The following TRAK1 variants were observed in gnomAD, a reference collection of about 807,000 sequenced individuals.
TRAK1 encodes the protein trafficking kinesin protein 1.
A neutral mutation model predicts 92.1 loss-of-function variants in TRAK1; 33 were observed. The ratio of observed to expected loss-of-function variants is 0.36; its 90% CI spans 0.27 to 0.48. The LOEUF is 0.48. Among genes scored for constraint, TRAK1 ranks in the 20% least tolerant of loss-of-function variants. The pLI, the probability that TRAK1 is intolerant of heterozygous loss-of-function variation, is 0.99. For missense variants in TRAK1, 1,123 were observed against 1,257.9 expected (o/e 0.89, Z 1.62); for synonymous variants, 521 against 517.3 (o/e 1.01, Z -0.10).
intron 1 of TRAK1, chr3:42,051,242 A>G (rs961636265): frequency 1.3e-5 from 2 of 152,264 alleles, no homozygotes; most frequent in African/African-American, 4.8e-5. Flanking sequence ...TTGGCTGTGC[A>G]AGCCTTGGGT....
chr3:42,218,431 A>G, intron 14 of TRAK1: 1 of 865,490 alleles, frequency 1.2e-6, no homozygotes, highest in Non-Finnish European at 1.4e-6. Flanking sequence ...CTGAGCTGCT[A>G]CAGGGGCAGA....
At chr3:42,220,770 G>A (rs1314896826) in intron 15 of TRAK1, among the ~76,000 whole-genome samples, 2 of 152,204 alleles carry the variant, frequency 1.3e-5, no homozygotes, top group African/African-American at 2.4e-5. Flanking sequence ...CAGTCAAGCC[G>A]AGTGCCAGCA....
Position 42,202,498 on chromosome 3 carries a change from C to G in TRAK1, c.1490C>G (p.Thr497Arg). ...ACCCCAGGCTCCCACGACCTGGAGA[C>G]GGCGCTGAGGCGGCTGTCCCTGCGC... is the stretch of plus-strand genomic sequence containing the variant. ...PGTPGSHDLE[T>R]ALRRLSLRRE... Residue 497 changes from threonine (T) to arginine (R), a missense_variant, in exon 13 of 16, where the codon ACG (threonine) becomes AGG (arginine). By Grantham distance (71) the Thr-to-Arg change is moderately conservative. Around this residue, in one of 3 missense-constraint regions of TRAK1, gnomAD observed 686 missense variants for 747.6 expected, o/e 0.92. Coordinates refer to ENST00000327628, the MANE Select transcript of TRAK1 (RefSeq NM_001042646.3). The surrounding 1 kb of genome is among the most constrained non-coding windows in gnomAD (Gnocchi z 6.1). 1.3e-6 allele frequency: 2 copies of G among 1,507,246 alleles called. No individual in the cohort carries two copies. Among genetic ancestry groups the G allele is most frequent in the South Asian group, 1.3e-5 (1 of 74,252 alleles). 93.4% of individuals were successfully genotyped at this position (1,507,246 alleles called of 1,614,324 possible).
intron 14 of TRAK1, chr3:42,217,726 C>T: frequency 8.1e-6 from 8 of 985,412 alleles, no homozygotes; most frequent in Non-Finnish European, 9.6e-6. Flanking sequence ...CCCTCTCCTC[C>T]TTCCCAAATA....
chr3:42,047,400 T>G (rs1225538379), intron 1 of TRAK1, among the ~76,000 whole-genome samples: 1 of 151,748 alleles, frequency 6.6e-6, no homozygotes, highest in Non-Finnish European at 1.5e-5. Context: ...AGATGGGGTC[T>G]TGCTTTGTTT....
At chr3:42,113,795 C>T (rs188892476) in intron 1 of TRAK1, among the ~76,000 whole-genome samples, 5 of 152,314 alleles carry the variant, frequency 3.3e-5, no homozygotes, top group East Asian at 1.9e-4. Context: ...CTCAAGTGAT[C>T]GTCCTGCCTC....
At chr3:42,032,430 TG>T (rs1702179876) in intron 1 of TRAK1, among the ~76,000 whole-genome samples, 2 of 149,390 alleles carry the variant, frequency 1.3e-5, no homozygotes, top group African/African-American at 5.1e-5. Context: ...TGCCAAGTAC[TG>T]TGGGAAGCCC....
At chr3:42,079,375 A>G (rs1215191267) in intron 1 of TRAK1, among the ~76,000 whole-genome samples, 2 of 152,048 alleles carry the variant, frequency 1.3e-5, no homozygotes, top group Admixed American at 6.6e-5. Flanking sequence ...GGGATCACCC[A>G]GGACTAGCTT....
chr3:42,016,657 A>G (rs1701538902), intron 1 of TRAK1, among the ~76,000 whole-genome samples: 1 of 152,164 alleles, frequency 6.6e-6, no homozygotes, highest in South Asian at 2.1e-4. Flanking sequence ...CCTCTCCGTC[A>G]GCTGTCGGAG....
intron 1 of TRAK1, among the ~76,000 whole-genome samples, chr3:42,033,440 T>C (rs778143430): frequency 6.6e-6 from 1 of 152,076 alleles, no homozygotes; most frequent in African/African-American, 2.4e-5. Context: ...AAATTTAACA[T>C]TAGCCAGGCG....
chr3:42,174,647 G>GTATATA (rs138493698), intron 2 of TRAK1, among the ~76,000 whole-genome samples: 36 of 146,668 alleles, frequency 2.5e-4, no homozygotes, highest in South Asian at 6.5e-4. Flanking sequence ...ATTTTTGTGT[G>GTATATA]TATATATATA....
intron 1 of TRAK1, among the ~76,000 whole-genome samples, chr3:42,112,211 G>A (rs1183870669): frequency 1.4e-5 from 2 of 141,092 alleles, no homozygotes; most frequent in African/African-American, 2.6e-5. Flanking sequence ...GCGCGATCTC[G>A]GCTCATTGCA....
At chr3:42,162,089 C>T (rs1576711289) in intron 2 of TRAK1, among the ~76,000 whole-genome samples, 1 of 151,970 alleles carries the variant, frequency 6.6e-6, no homozygotes, top group East Asian at 1.9e-4. Context: ...GATGGGCACG[C>T]ATGTTAAAGT....
chr3:42,132,766 G>A (rs975756702), intron 2 of TRAK1, among the ~76,000 whole-genome samples: 7 of 151,916 alleles, frequency 4.6e-5, no homozygotes, highest in African/African-American at 1.5e-4. Flanking sequence ...TCTCTCCCAA[G>A]GCTGTAATAC....
At chr3:42,092,711 G>GTTATGTTATGTTATGATATGTTATGTTA (rs1705247688) in intron 1 of TRAK1, among the ~76,000 whole-genome samples, 48 of 101,120 alleles carry the variant, frequency 4.7e-4, no homozygotes, top group African/African-American at 1.5e-3. Context: ...GTGTTGTGTT[G>GTTATGTTATGTTATGATATGTTATGTTA]TGTTATGTTA....
chr3:42,112,855 C>G (rs1377918725), intron 1 of TRAK1, among the ~76,000 whole-genome samples: 2 of 152,020 alleles, frequency 1.3e-5, no homozygotes, highest in African/African-American at 4.8e-5. Flanking sequence ...ACTGCATCCT[C>G]TAACTGCTGT....
At chr3:42,059,704 A>G (rs1472153837) in intron 1 of TRAK1, among the ~76,000 whole-genome samples, 1 of 152,224 alleles carries the variant, frequency 6.6e-6, no homozygotes, top group African/African-American at 2.4e-5. Flanking sequence ...GACTTATTTC[A>G]GAGTATTTTT....
chr3:42,062,619 A>G (rs1703496469), intron 1 of TRAK1, among the ~76,000 whole-genome samples: 1 of 152,136 alleles, frequency 6.6e-6, no homozygotes, highest in African/African-American at 2.4e-5. Flanking sequence ...ACTCTGTGTG[A>G]AATAGGGTTT....
intron 2 of TRAK1, among the ~76,000 whole-genome samples, chr3:42,140,424 TC>T (rs774113041): frequency 6.6e-6 from 1 of 151,110 alleles, no homozygotes; most frequent in African/African-American, 2.4e-5. Flanking sequence ...GGTCAGGAGA[TC>T]GAGACCATTC....
Sources: allele counts gnomAD v4.1 joint callset (sites outside exome capture counted in the v4.1 genomes callset), GRCh38; gene constraint gnomAD v4.1.1; regional missense constraint gnomAD v4.1.1; non-coding constraint Gnocchi (gnomAD v3.1); transcripts MANE v1.5; gene names NCBI Gene and HGNC (gene_info 2026-07-23, HGNC 2026-07-21).